Variants in TPTE2 observed in about 807,000 individuals in gnomAD.
TPTE2 encodes the protein transmembrane phosphoinositide 3-phosphatase and tensin homolog 2.
A neutral mutation model predicts 78.6 loss-of-function variants in TPTE2; 53 were observed. The observed-to-expected ratio is 0.67, with a 90% confidence interval of 0.54 to 0.85. The LOEUF is 0.85. Ranked by LOEUF, TPTE2 falls within the 40% of genes least tolerant of loss-of-function variation. The probability of loss-of-function intolerance (pLI) is 0.00; values close to 1 mark genes in which losing one functional copy is unlikely to be tolerated. For missense variants in TPTE2, 461 were observed against 623.0 expected (o/e 0.74, Z 2.77); for synonymous variants, 175 against 206.2 (o/e 0.85, Z 1.30).
intron 1 of TPTE2, among the ~76,000 whole-genome samples, chr13:19,511,595 C>T (rs928914649): frequency 1.3e-5 from 2 of 152,056 alleles, no homozygotes; most frequent in South Asian, 2.1e-4. Context: ...TTTGGGTAAA[C>T]GGCTGATTCC....
chr13:19,436,513 A>C (rs1195710863), intron 14 of TPTE2, among the ~76,000 whole-genome samples: 1 of 152,104 alleles, frequency 6.6e-6, no homozygotes, highest in East Asian at 1.9e-4. Context: ...CCTGGGTTCA[A>C]GTGATTCTAC....
At chr13:19,466,601 A>G (rs1286098011) in intron 7 of TPTE2, among the ~76,000 whole-genome samples, 1 of 152,196 alleles carries the variant, frequency 6.6e-6, no homozygotes, top group Non-Finnish European at 1.5e-5. Flanking sequence ...ACTTTGCCTA[A>G]GCTTTCTTTG....
chr13:19,543,118 C>A, the TPTE2 span, among the ~76,000 whole-genome samples: 1,030 of 151,400 alleles, frequency 6.8e-3, 10 homozygotes, highest in African/African-American at 0.022. Flanking sequence ...AGTGCAGTGG[C>A]GTGATCTCAG....
the TPTE2 span, among the ~76,000 whole-genome samples, chr13:19,543,301 C>T: frequency 1.3e-5 from 2 of 151,562 alleles, no homozygotes; most frequent in Non-Finnish European, 2.9e-5. Flanking sequence ...GATCTGCCTG[C>T]CTCAGCCTCC....
chr13:19,444,758 A>T (rs1218915572), intron 13 of TPTE2, among the ~76,000 whole-genome samples: 2 of 152,212 alleles, frequency 1.3e-5, no homozygotes, highest in South Asian at 2.1e-4. Context: ...AGAAAGAAGA[A>T]GATGATGAGG....
intron 15 of TPTE2, among the ~76,000 whole-genome samples, chr13:19,435,763 C>CACACAA (rs1877034754): frequency 6.8e-6 from 1 of 147,884 alleles, no homozygotes; most frequent in South Asian, 2.1e-4. Flanking sequence ...AAGACACACA[C>CACACAA]ACACACACAC....
chr13:19,475,282 A>G (rs1410153207), intron 5 of TPTE2, among the ~76,000 whole-genome samples: 1 of 151,470 alleles, frequency 6.6e-6, no homozygotes, highest in African/African-American at 2.4e-5. Flanking sequence ...CTGCAGTGCA[A>G]TGGTGCAATT....
chr13:19,517,417 A>C (rs1379538693), intron 1 of TPTE2, among the ~76,000 whole-genome samples: 1 of 144,810 alleles, frequency 6.9e-6, no homozygotes, highest in Non-Finnish European at 1.5e-5. Flanking sequence ...GTCCCCCAGT[A>C]CCCTGAGGGT....
chr13:19,423,020 G>T (rs376859767), exon 20 of TPTE2: 1 of 1,603,198 alleles, frequency 6.2e-7, no homozygotes, highest in Admixed American at 1.7e-5. Flanking sequence ...AGGGGAAGGG[G>T]GAGCTATACT....
At chr13:19,544,587 G>C in the TPTE2 span, among the ~76,000 whole-genome samples, 1 of 152,150 alleles carries the variant, frequency 6.6e-6, no homozygotes, top group Non-Finnish European at 1.5e-5. Flanking sequence ...AACATTCTAA[G>C]TTATCATATT....
chr13:19,463,618 T>C (rs768302141), intron 10 of TPTE2, among the ~76,000 whole-genome samples: 1 of 152,192 alleles, frequency 6.6e-6, no homozygotes, highest in South Asian at 2.1e-4. Flanking sequence ...CCTCTTCCAA[T>C]GTTAGAGAGC....
the TPTE2 span, among the ~76,000 whole-genome samples, chr13:19,548,710 C>G: frequency 0.014 from 2,086 of 151,492 alleles, 49 homozygotes; most frequent in African/African-American, 0.047. Context: ...CAAAAATCAA[C>G]TCAAGATGGA....
At chr13:19,453,951 A>C (rs1432250552) in intron 10 of TPTE2, among the ~76,000 whole-genome samples, 1 of 152,168 alleles carries the variant, frequency 6.6e-6, no homozygotes, top group East Asian at 1.9e-4. Context: ...CTCTTGCAAC[A>C]ACCTCCACCT....
Position 19,482,490 on chromosome 13 carries a change from A to T in TPTE2, c.177T>A (p.Tyr59Ter). 1.2e-6 allele frequency: 2 copies of T among 1,612,554 alleles called. No individual in the cohort carries two copies. Among genetic ancestry groups the T allele is most frequent in the Non-Finnish European group, 1.7e-6 (2 of 1,179,152 alleles). The stretch of plus-strand genomic sequence containing the variant: ...TTTCAAACTTCAAACTGACTTACTC[A>T]TATGAAGCAACATTTTCAGCATCTT... Residue 59 changes from tyrosine (Y) to a stop codon, truncating the protein, a stop_gained and splice_region_variant, in exon 4 of 20, where the codon TAT (tyrosine) becomes TAA (stop). Coordinates refer to ENST00000400230, the Ensembl canonical transcript of TPTE2. LOFTEE classifies it high-confidence loss of function.
At chr13:19,457,472 T>G (rs2497242) in intron 10 of TPTE2, among the ~76,000 whole-genome samples, 149,719 of 152,218 alleles carry the variant, frequency 0.98, 73,677 homozygotes, top group Middle Eastern at 1. Flanking sequence ...CCCATCCCTA[T>G]GTATTAAGCC....
intron 10 of TPTE2, among the ~76,000 whole-genome samples, chr13:19,462,538 CTTT>C (rs34343811): frequency 1.4e-5 from 2 of 143,408 alleles, no homozygotes; most frequent in Non-Finnish European, 1.5e-5. Context: ...TTAACATTTC[CTTT>C]TTTTTTTTTT....
At chr13:19,473,961 A>G (rs564834643) in exon 6 of TPTE2, 7 of 1,607,130 alleles carry the variant, frequency 4.4e-6, no homozygotes, top group Non-Finnish European at 5.9e-6. Context: ...AAAATAAGCC[A>G]ATAGCTAGAG....
chr13:19,512,729 C>T (rs1380699489), intron 1 of TPTE2, among the ~76,000 whole-genome samples: 2 of 152,094 alleles, frequency 1.3e-5, no homozygotes, highest in African/African-American at 2.4e-5. Flanking sequence ...CAGGCATGCA[C>T]CACCATGCCC....
intron 13 of TPTE2, among the ~76,000 whole-genome samples, chr13:19,444,567 T>C (rs957494137): frequency 6.6e-6 from 1 of 152,004 alleles, no homozygotes; most frequent in African/African-American, 2.4e-5. Flanking sequence ...AGGACCTAAC[T>C]AAATGAGAGA....
Sources: allele counts gnomAD v4.1 joint callset (sites outside exome capture counted in the v4.1 genomes callset), GRCh38; gene constraint gnomAD v4.1.1; transcripts MANE v1.5; gene names NCBI Gene and HGNC (gene_info 2026-07-23, HGNC 2026-07-21).